The following BOLA3 variants were observed in gnomAD, a reference collection of about 807,000 sequenced individuals.
The protein encoded by BOLA3 is bolA-like protein 3.
A neutral mutation model predicts 14.5 loss-of-function variants in BOLA3; 8 were observed. The observed-to-expected ratio is 0.55, with a 90% CI of 0.32 to 0.99. The LOEUF is 0.99. BOLA3 is among the 50% of genes least tolerant of loss of function. The pLI, the probability that BOLA3 is intolerant of heterozygous loss-of-function variation, is 0.04. For missense variants in BOLA3, 115 were observed against 138.2 expected, an observed-to-expected ratio of 0.83 and a Z score of 0.84; for synonymous variants, 42 against 45.7, an observed-to-expected ratio of 0.92 and a Z score of 0.33.
intron 3 of BOLA3, 117 bp downstream of exon 3, chr2:74,142,155 G>A (rs1217810609): frequency 5.1e-5 from 39 of 765,016 alleles, no homozygotes; most frequent in Non-Finnish European, 7.0e-5. Context: ...CCTGTTTCGT[G>A]ATTGCAGTAC....
chr2:74,147,863 C>T lies in BOLA3; in HGVS notation c.12G>A (p.Trp4Ter), dbSNP rs1453751102. 3.3e-6 allele frequency: 5 copies of T among 1,523,302 alleles called. No individual in the cohort carries two copies. 94.4% of individuals were successfully genotyped at this position (1,523,302 alleles called of 1,614,324 possible). Residue 4 changes from tryptophan to a stop codon, truncating the protein, a stop_gained, in exon 1 of 4, where the codon TGG becomes TGA. Transcript: ENST00000327428. LOFTEE classifies it high-confidence loss of function. ...GGAGAGGCGCTGCCGCGGCCGGGCTCCATGCAGCCATGCCCGGCCGACGTG... is the reference window on the plus strand; with the variant it reads ...GGAGAGGCGCTGCCGCGGCCGGGCTTCATGCAGCCATGCCCGGCCGACGTG... MAA[W>*]SPAAAAPLLR...
intron 3 of BOLA3, among the ~76,000 whole-genome samples, chr2:74,135,916 C>T (rs1002667946): frequency 1.3e-5 from 2 of 151,518 alleles, no homozygotes; most frequent in African/African-American, 2.4e-5. Context: ...CACCCTTGTT[C>T]CCAAAAGAAC....
chr2:74,144,178 G>C (rs1317491826), intron 2 of BOLA3, among the ~76,000 whole-genome samples: 2 of 135,426 alleles, frequency 1.5e-5, no homozygotes, highest in African/African-American at 6.1e-5. Context: ...GTTAATTTTT[G>C]TATTTTTAGT....
chr2:74,145,625 T>C lies in BOLA3; in HGVS notation c.55-322A>G, dbSNP rs72917133. The C allele has an allele frequency of 6.2e-3, 2,320 of 374,638 alleles. 45 individuals are homozygous for C. Among genetic ancestry groups the C allele is most frequent in the African/African-American group, 0.045 (2,169 of 48,140 alleles). 23.2% of individuals were successfully genotyped at this position (374,638 alleles called of 1,614,324 possible). A position where few individuals can be genotyped will look rare whatever the true frequency, so the allele number is the denominator to read the frequency against. ...TGACACTATTATGCCGATAGTTTTA[T>C]AGGTAAGGAAACTGAGGCACACAGT... On this transcript the variant is annotated intron_variant, in intron 1 of 3. Coordinates refer to ENST00000327428, the MANE Select transcript of BOLA3 (RefSeq NM_212552.3).
chr2:74,137,397 C>T (rs1207348378), intron 3 of BOLA3, among the ~76,000 whole-genome samples: 1 of 152,150 alleles, frequency 6.6e-6, no homozygotes, highest in Non-Finnish European at 1.5e-5. Context: ...AAGCTGAAAG[C>T]TCAGAGAGAG....
In BOLA3 at chr2:74,145,269, G is replaced by T. The variant is rs377556422; in HGVS notation, c.89C>A (p.Thr30Asn). Residue 30 changes from threonine (T) to asparagine (N), a missense_variant, in exon 2 of 4, where the codon ACT becomes AAT. By Grantham distance (65) the Thr-to-Asn change is moderately conservative. Transcript: ENST00000327428. Reference protein sequence around the residue: ...PLHHRMFATQTEGELRVTQIL... With the variant: ...PLHHRMFATQNEGELRVTQIL... ...TTGGGTCACTCTGAGCTCCCCCTCA[G>T]TCTGAGTGGCAAACATCCGATGGTG... 7 of 1,611,262 alleles carry T rather than the reference G, an allele frequency of 4.3e-6. No individual in the cohort carries two copies. The East Asian group carries it at 6.7e-5, about 15-fold the overall frequency.
chr2:74,143,532 C>G (rs1692486268), intron 2 of BOLA3, among the ~76,000 whole-genome samples: 1 of 152,222 alleles, frequency 6.6e-6, no homozygotes, highest in Middle Eastern at 3.4e-3. Context: ...CTCAACTCCC[C>G]TTCTGCACTC....
chr2:74,138,741 T>C (rs1403709638), intron 3 of BOLA3, among the ~76,000 whole-genome samples: 1 of 152,200 alleles, frequency 6.6e-6, no homozygotes, highest in Non-Finnish European at 1.5e-5. Flanking sequence ...GGCAATCCCC[T>C]AAGCTGGAAA....
chr2:74,135,957 T>TG (rs916573647), intron 3 of BOLA3, among the ~76,000 whole-genome samples: 19 of 151,148 alleles, frequency 1.3e-4, no homozygotes, highest in African/African-American at 4.6e-4. Flanking sequence ...TCTTTTTTTT[T>TG]TTTTTTTTTT....
At position 74,145,300 on chromosome 2, in the gene BOLA3, G is replaced by A; in HGVS notation, c.58C>T (p.Pro20Ser). Residue 20 changes from proline to serine, a missense_variant, in exon 2 of 4, where the codon CCA (proline) becomes TCA (serine). Coordinates refer to ENST00000327428, the MANE Select transcript of BOLA3 (RefSeq NM_212552.3). ...APLLRGIRGL[P>S]LHHRMFATQT... ...GTGGCAAACATCCGATGGTGAAGTG[G>A]AAGCTGCCACAGAACAGAGAGGAAG... 6.4e-7 allele frequency: 1 copy of A among 1,571,770 alleles called. No homozygotes were observed.
intron 2 of BOLA3, among the ~76,000 whole-genome samples, chr2:74,142,995 C>G (rs1402380805): frequency 6.6e-6 from 1 of 152,178 alleles, no homozygotes; most frequent in Non-Finnish European, 1.5e-5. Flanking sequence ...CATCCACCCC[C>G]TGCCTGAGCT....
At chr2:74,139,734 G>T (rs982198951) in intron 3 of BOLA3, among the ~76,000 whole-genome samples, 1 of 152,194 alleles carries the variant, frequency 6.6e-6, no homozygotes, top group Non-Finnish European at 1.5e-5. Flanking sequence ...AGGCTCAGGG[G>T]ACCCCCTCAT....
intron 3 of BOLA3, among the ~76,000 whole-genome samples, chr2:74,141,452 G>A (rs1439436961): frequency 3.3e-5 from 5 of 152,032 alleles, no homozygotes; most frequent in Admixed American, 2.6e-4. Context: ...AGTGGAGGAC[G>A]GGAGGAAGGG....
intron 2 of BOLA3, among the ~76,000 whole-genome samples, chr2:74,144,005 ATTTTT>A (rs3045553): frequency 1.3e-4 from 15 of 115,586 alleles, no homozygotes; most frequent in Non-Finnish European, 1.0e-4. Context: ...GCCCCAGCAG[ATTTTT>A]TTTTTTTTTT....
intron 2 of BOLA3, among the ~76,000 whole-genome samples, chr2:74,143,014 C>A (rs1051774376): frequency 6.6e-6 from 1 of 152,212 alleles, no homozygotes; most frequent in African/African-American, 2.4e-5. Flanking sequence ...CTTTCCTCCA[C>A]CTGGCTGGAG....
intron 2 of BOLA3, among the ~76,000 whole-genome samples, chr2:74,143,439 G>A (rs992027947): frequency 2.0e-5 from 3 of 151,952 alleles, no homozygotes; most frequent in African/African-American, 2.4e-5. Flanking sequence ...GATTACAGGC[G>A]TGAGCCACCG....
intron 1 of BOLA3, chr2:74,147,119 A>G (rs1692559372): frequency 6.6e-6 from 1 of 152,330 alleles, no homozygotes; most frequent in African/African-American, 2.4e-5. Context: ...AATCCTTGGG[A>G]GAAGCCTTTC....
At chr2:74,146,353 G>A (rs1367920539) in intron 1 of BOLA3, 1 of 152,356 alleles carries the variant, frequency 6.6e-6, no homozygotes. Context: ...GAGCAGAAAA[G>A]CAGGTCGGCA....
rs138739286 is a variant in BOLA3, at chr2:74,136,891, A to T, written c.259-1233T>A. Among the ~76,000 whole-genome samples the T allele has an allele frequency of 1.3e-4, 20 of 152,314 alleles. No individual in the cohort carries two copies. In the East Asian group the frequency reaches 3.3e-3, roughly 25 times the overall value. On this transcript the variant is annotated intron_variant, in intron 3 of 3. Coordinates refer to ENST00000327428, the MANE Select transcript of BOLA3 (RefSeq NM_212552.3). ...AGGCTACAAATGGTGTCAGAGCCCA[A>T]ATCTGAAGGAACTACCAGAGTCAAA...
Sources: gnomAD v4.1 joint callset for allele counts (sites outside exome capture counted in the v4.1 genomes callset) on GRCh38, gnomAD v4.1.1 for gene constraint, MANE v1.5 for transcripts, NCBI Gene and HGNC (gene_info 2026-07-23, HGNC 2026-07-21) for gene names.